The following AFF4 variants were observed in gnomAD, a reference collection of about 807,000 sequenced individuals.
AFF4 encodes the protein AF4/FMR2 family member 4.
AFF4 carries 13 observed loss-of-function variants against 124.8 expected under a neutral mutation model. That is an observed-to-expected ratio of 0.10 (90% confidence interval 0.07 to 0.17). The LOEUF (loss-of-function observed/expected upper bound fraction) is 0.17, where lower values mean the gene tolerates loss of function less well. Ranked by LOEUF, AFF4 falls within the 10% of genes least tolerant of loss-of-function variation. AFF4 has a pLI of 1.00. For synonymous variants in AFF4, 477 were observed against 496.1 expected (o/e 0.96, Z 0.51); for missense variants, 1,092 against 1,403.8 (o/e 0.78, Z 3.55).
intron 2 of AFF4, among the ~76,000 whole-genome samples, chr5:132,936,554 T>C (rs1176871238): frequency 6.6e-6 from 1 of 152,164 alleles, no homozygotes; most frequent in Admixed American, 6.5e-5. Flanking sequence ...AAAGCATCTA[T>C]GAAATATTCA....
intron 6 of AFF4, among the ~76,000 whole-genome samples, chr5:132,902,802 T>C (rs928695083): frequency 2.0e-5 from 3 of 152,196 alleles, no homozygotes; most frequent in Admixed American, 6.5e-5. Flanking sequence ...ACATTACAGG[T>C]ATAATCTTGA....
intron 18 of AFF4, 141 bp downstream of exon 18, chr5:132,886,169 C>T: frequency 1.4e-6 from 1 of 699,398 alleles, no homozygotes; most frequent in South Asian, 1.9e-5. Context: ...TCAAAGAAAC[C>T]TCAAACTTAT....
chr5:132,875,656 G>A lies in AFF4; in HGVS notation c.*5403C>T, dbSNP rs1759821793. ...TACTATACAGATGTGGAAAAATCTA[G>A]TTAGTATATAATACTTTGCTCACCA... On this transcript the variant is annotated 3_prime_UTR_variant, in exon 21 of 21. Coordinates refer to ENST00000265343, the MANE Select transcript of AFF4 (RefSeq NM_014423.4). 1.0e-5 allele frequency: 2 copies of A among 198,764 alleles called. No homozygotes were observed. Among genetic ancestry groups the A allele is most frequent in the South Asian group, 3.8e-4 (2 of 5,234 alleles). 12.3% of individuals were successfully genotyped at this position (198,764 alleles called of 1,614,324 possible). A position where few individuals can be genotyped will look rare whatever the true frequency, so the allele number is the denominator to read the frequency against.
intron 6 of AFF4, among the ~76,000 whole-genome samples, chr5:132,903,663 C>G (rs1262759165): frequency 6.6e-6 from 1 of 151,658 alleles, no homozygotes; most frequent in Non-Finnish European, 1.5e-5. Flanking sequence ...ATCAGAAAAC[C>G]AAGGAAGAAA....
chr5:132,890,884 G>A (rs567731915), intron 13 of AFF4, among the ~76,000 whole-genome samples: 84 of 151,818 alleles, frequency 5.5e-4, no homozygotes, highest in Middle Eastern at 3.4e-3. Context: ...AGAAGCTGAC[G>A]AACTTCTTGA....
chr5:132,886,219 T>C lies in AFF4; in HGVS notation c.3099+91A>G, dbSNP rs1041950416. On this transcript the variant is annotated intron_variant, in intron 18 of 20. Transcript: ENST00000265343. ...ACAGTAGCTCCTCCCCTGGTGTGTT[T>C]TGCATAAACATGAGGGCAGTTCTCA... is the stretch of plus-strand genomic sequence containing the variant. 1.1e-5 allele frequency: 12 copies of C among 1,097,296 alleles called. No homozygotes were observed. The East Asian group carries it at 2.4e-4, about 22-fold the overall frequency. 68.0% of individuals were successfully genotyped at this position (1,097,296 alleles called of 1,614,324 possible). A position where few individuals can be genotyped will look rare whatever the true frequency, so the allele number is the denominator to read the frequency against.
intron 5 of AFF4, among the ~76,000 whole-genome samples, chr5:132,909,167 G>C (rs1035880080): frequency 2.1e-5 from 3 of 145,804 alleles, no homozygotes; most frequent in Non-Finnish European, 4.5e-5. Flanking sequence ...CACTCCTGTA[G>C]GATGTTTCAT....
intron 5 of AFF4, among the ~76,000 whole-genome samples, chr5:132,910,653 G>A (rs555096157): frequency 2.0e-5 from 3 of 152,284 alleles, no homozygotes; most frequent in Admixed American, 1.3e-4. Context: ...ACCCACCTTA[G>A]CAACAGTCAG....
At chr5:132,962,001 TA>T (rs1329406743) in intron 1 of AFF4, among the ~76,000 whole-genome samples, 9 of 152,214 alleles carry the variant, frequency 5.9e-5, no homozygotes, top group African/African-American at 2.2e-4. Context: ...CTGAGAAATT[TA>T]AAGAAGCCAG....
chr5:132,938,200 T>G (rs1255439512), intron 1 of AFF4, among the ~76,000 whole-genome samples: 2 of 150,854 alleles, frequency 1.3e-5, no homozygotes, highest in African/African-American at 4.9e-5. Flanking sequence ...ATAAATCAAA[T>G]CAGAAAATTA....
At chr5:132,947,450 TC>T (rs1291396056) in intron 1 of AFF4, among the ~76,000 whole-genome samples, 9 of 152,068 alleles carry the variant, frequency 5.9e-5, no homozygotes, top group Non-Finnish European at 1.3e-4. Flanking sequence ...TATTCTAACA[TC>T]CCCCATTCAA....
At chr5:132,925,270 T>A (rs1370182107) in intron 5 of AFF4, among the ~76,000 whole-genome samples, 1 of 151,704 alleles carries the variant, frequency 6.6e-6, no homozygotes, top group African/African-American at 2.4e-5. Flanking sequence ...ATGGCACACA[T>A]ATAGACAGAA....
At chr5:132,943,238 G>A (rs1038394748) in intron 1 of AFF4, 9 of 184,088 alleles carry the variant, frequency 4.9e-5, no homozygotes, top group East Asian at 2.7e-4. Flanking sequence ...CCACTTAGCC[G>A]CCCTACAAAC....
chr5:132,904,655 C>T (rs1760628938), intron 5 of AFF4, among the ~76,000 whole-genome samples: 1 of 152,124 alleles, frequency 6.6e-6, no homozygotes, highest in Admixed American at 6.5e-5. Context: ...TAGTCATATC[C>T]TTATTTAGAG....
At chr5:132,928,216 T>TA (rs749306713) in intron 4 of AFF4, among the ~76,000 whole-genome samples, 59 of 147,124 alleles carry the variant, frequency 4.0e-4, no homozygotes, top group East Asian at 3.8e-3. Context: ...TTTATATATT[T>TA]AAAAAAAAAC....
Position 132,902,494 on chromosome 5 carries a change from C to T in AFF4, c.1088-7G>A. 1 of 1,605,670 alleles carries T rather than the reference C, an allele frequency of 6.2e-7. No homozygotes were observed. The highest frequency in any genetic ancestry group is 8.5e-7 in the Non-Finnish European group (1 of 1,172,748). On this transcript the variant is annotated splice_region_variant and splice_polypyrimidine_tract_variant and intron_variant, in intron 6 of 20. Coordinates refer to ENST00000265343, the MANE Select transcript of AFF4 (RefSeq NM_014423.4). ...TTAGAAGGATTATATCTTTCTGGAA[C>T]AAAAAGAATGAAGTGAGCAACTAAA... is the stretch of plus-strand genomic sequence containing the variant.
rs375092106 is a variant in AFF4 at position 132,934,854 on chromosome 5, T to C, written c.211A>G (p.Ile71Val). 3.1e-6 allele frequency: 5 copies of C among 1,614,046 alleles called. No homozygotes were observed. The highest frequency in any genetic ancestry group is 2.7e-5 in the African/African-American group (2 of 74,924). The change falls in exon 3 of 21, where the codon ATA becomes GTA. Residue 71 changes from isoleucine (I) to valine (V), a missense_variant. Around this residue, in one of 11 missense-constraint regions of AFF4, gnomAD observed 35 missense variants for 70.9 expected, o/e 0.49. Transcript: ENST00000265343. ...TTGGGAATTGCAACAAGCTTTGGTATAGATCTGTCTCCTATGAAATCCTTC... is the reference window on the plus strand; with the variant it reads ...TTGGGAATTGCAACAAGCTTTGGTACAGATCTGTCTCCTATGAAATCCTTC... ...EMKDFIGDRS[I>V]PKLVAIPKPT...
intron 1 of AFF4, among the ~76,000 whole-genome samples, chr5:132,938,025 C>A (rs1761472585): frequency 6.6e-6 from 1 of 151,596 alleles, no homozygotes; most frequent in Non-Finnish European, 1.5e-5. Context: ...TAAAGGCTGG[C>A]AAACTCTGGC....
Position 132,897,076 on chromosome 5 carries a change from T to G in AFF4, c.1554A>C (p.Thr518=), listed in dbSNP as rs200045297. 1.8e-5 allele frequency: 29 copies of G among 1,614,092 alleles called. 1 individual carries two copies. The Middle Eastern group carries it at 4.9e-4, about 27-fold the overall frequency. The change falls in exon 11 of 21, where the codon ACA becomes ACC. Residue 518 remains threonine (T), a synonymous_variant. Transcript: ENST00000265343. ...EQGTGNSYTD[T]SGPKETSSAT... ...CGGAACTCGTTTCTTTAGGTCCACT[T>G]GTATCAGTGTAGCTATTCCCAGTGC...
Sources: allele counts gnomAD v4.1 joint callset (sites outside exome capture counted in the v4.1 genomes callset), GRCh38; gene constraint gnomAD v4.1.1; regional missense constraint gnomAD v4.1.1; transcripts MANE v1.5; gene names NCBI Gene and HGNC (gene_info 2026-07-23, HGNC 2026-07-21).